The following CPM variants were observed in gnomAD, a reference collection of about 807,000 sequenced individuals.
The protein encoded by CPM is carboxypeptidase M.
In CPM, 35 loss-of-function variants were observed where a neutral mutation model predicts 46.4. That is an observed-to-expected ratio of 0.75 (90% CI 0.58 to 1.00). The LOEUF is 1.00. Ranked by LOEUF, CPM falls within the 50% of genes least tolerant of loss-of-function variation. The pLI is 0.00. For missense variants in CPM, 422 were observed against 530.4 expected, an observed-to-expected ratio of 0.80 and a Z score of 2.01; for synonymous variants, 195 against 195.3, an observed-to-expected ratio of 1.00 and a Z score of 0.01.
At chr12:68,960,708 A>G (rs1234936762) in intron 1 of CPM, among the ~76,000 whole-genome samples, 1 of 152,168 alleles carries the variant, frequency 6.6e-6, no homozygotes, top group African/African-American at 2.4e-5. Context: ...TCAAGATGAT[A>G]ACAGAGAACA....
chr12:68,858,507 A>G (rs1269851604), intron 8 of CPM, among the ~76,000 whole-genome samples: 1 of 152,204 alleles, frequency 6.6e-6, no homozygotes, highest in African/African-American at 2.4e-5. Flanking sequence ...TCACTTATAA[A>G]ATGAATTCTA....
At chr12:68,949,443 A>G (rs1426939019) in intron 1 of CPM, among the ~76,000 whole-genome samples, 3 of 152,208 alleles carry the variant, frequency 2.0e-5, no homozygotes, top group African/African-American at 7.2e-5. Context: ...CTGAGTGCCA[A>G]CATGACTGTG....
intron 2 of CPM, among the ~76,000 whole-genome samples, chr12:68,915,539 C>G (rs1592691477): frequency 6.6e-6 from 1 of 152,306 alleles, no homozygotes; most frequent in Non-Finnish European, 1.5e-5. Context: ...CCCTGATAAG[C>G]CTTTCTCAAC....
chr12:68,856,872 T>C (rs944812866), intron 8 of CPM, among the ~76,000 whole-genome samples, 193 bp from the exon 9 acceptor site: 1 of 152,220 alleles, frequency 6.6e-6, no homozygotes, highest in African/African-American at 2.4e-5. Context: ...AGACCAGCGT[T>C]GTGAATGCTG....
chr12:68,893,778 G>T (rs544527153), intron 2 of CPM, among the ~76,000 whole-genome samples: 1 of 152,294 alleles, frequency 6.6e-6, no homozygotes, highest in Admixed American at 6.5e-5. Flanking sequence ...CTGGTGTGGG[G>T]TCTAAAATGA....
chr12:68,929,698 T>C (rs143523386), intron 2 of CPM, among the ~76,000 whole-genome samples: 3 of 152,352 alleles, frequency 2.0e-5, no homozygotes, highest in East Asian at 3.9e-4. Flanking sequence ...AATGGTTTTA[T>C]AGTATCCCTG....
intron 4 of CPM, among the ~76,000 whole-genome samples, chr12:68,871,218 C>T (rs1049198482): frequency 6.6e-6 from 1 of 152,202 alleles, no homozygotes; most frequent in Non-Finnish European, 1.5e-5. Flanking sequence ...CCGGTCATTA[C>T]CAAGGGCCTG....
At chr12:68,953,141 C>T (rs1254602342) in intron 1 of CPM, among the ~76,000 whole-genome samples, 1 of 152,194 alleles carries the variant, frequency 6.6e-6, no homozygotes, top group Non-Finnish European at 1.5e-5. Flanking sequence ...CATTCATACC[C>T]ATTGCTCCTA....
rs145102311 is a variant in CPM at position 68,875,058 on chromosome 12, A to T, written c.259-3102T>A. Reference sequence around the variant, plus strand: ...TGGTAGTATGGGTATAGAACAAAATATAAAAGTTGAGGCCGGGCACGGTGG... The same window carrying T: ...TGGTAGTATGGGTATAGAACAAAATTTAAAAGTTGAGGCCGGGCACGGTGG... On this transcript the variant is annotated intron_variant, in intron 3 of 8. Coordinates refer to ENST00000551568, the MANE Select transcript of CPM (RefSeq NM_198320.5). 3.0e-3 allele frequency among the ~76,000 whole-genome samples: 458 copies of T among 152,308 alleles called. 1 individual carries two copies. The highest frequency in any genetic ancestry group is 0.011 in the African/African-American group (441 of 41,562).
Position 68,871,876 on chromosome 12 carries a change from C to A in CPM, c.339G>T (p.Leu113=). Reference sequence around the variant, plus strand: ...TGATGTGTATCCGGGTACTATTGATCAGATTTGTGATTTCAGGGTCTTTGC... The same window carrying A: ...TGATGTGTATCCGGGTACTATTGATAAGATTTGTGATTTCAGGGTCTTTGC... ...SDGKDPEITN[L]INSTRIHIMP... is the part of the protein sequence containing the mutation. The change falls in exon 4 of 9, where the codon CTG becomes CTT. Residue 113 remains leucine, a synonymous_variant. Transcript: ENST00000551568. The A allele has an allele frequency of 6.2e-7, 1 of 1,614,096 alleles. No homozygotes were observed. The highest frequency in any genetic ancestry group is 1.1e-5 in the South Asian group (1 of 91,072).
intron 2 of CPM, among the ~76,000 whole-genome samples, chr12:68,904,022 G>A (rs570344546): frequency 6.6e-6 from 1 of 152,228 alleles, no homozygotes; most frequent in East Asian, 1.9e-4. Flanking sequence ...ATGTAGCTGG[G>A]ACCACAGGCA....
intron 7 of CPM, among the ~76,000 whole-genome samples, chr12:68,860,127 C>T (rs1885144568): frequency 6.6e-6 from 1 of 152,186 alleles, no homozygotes; most frequent in Non-Finnish European, 1.5e-5. Context: ...TTATCTTGAA[C>T]TTCAACAAAC....
At chr12:68,948,352 G>A (rs914542725) in intron 1 of CPM, among the ~76,000 whole-genome samples, 1 of 152,150 alleles carries the variant, frequency 6.6e-6, no homozygotes, top group Non-Finnish European at 1.5e-5. Context: ...TGAGGGGGTA[G>A]GCATTAGGGA....
At chr12:68,927,853 C>G (rs2136317131) in intron 2 of CPM, among the ~76,000 whole-genome samples, 1 of 152,190 alleles carries the variant, frequency 6.6e-6, no homozygotes, top group African/African-American at 2.4e-5. Flanking sequence ...CAAACCACTG[C>G]TCAATGAAAT....
intron 2 of CPM, among the ~76,000 whole-genome samples, chr12:68,904,922 T>G (rs959382374): frequency 3.3e-5 from 5 of 150,362 alleles, no homozygotes; most frequent in Admixed American, 6.7e-5. Flanking sequence ...GTGGTTTTTT[T>G]GGGGGGATGG....
intron 1 of CPM, among the ~76,000 whole-genome samples, chr12:68,941,170 CGTGTGTGTGTGTGT>C (rs370705580): frequency 7.1e-6 from 1 of 140,504 alleles, no homozygotes; most frequent in Non-Finnish European, 1.5e-5. Context: ...GTGCTGAGTA[CGTGTGTGTGTGTGT>C]GTGTGTGTGT....
chr12:68,896,424 G>C lies in CPM; in HGVS notation c.161-10535C>G, dbSNP rs1886879482. On this transcript the variant is annotated intron_variant, in intron 2 of 8. Coordinates refer to ENST00000551568, the MANE Select transcript of CPM (RefSeq NM_198320.5). ...CTGTGCTTGCAAAATCTGGTGTAGT[G>C]TCTGGCATATACATAGCAAATGATT... Among the ~76,000 whole-genome samples, 4 of 152,196 alleles carry C rather than the reference G, an allele frequency of 2.6e-5. 1 individual carries two copies. Among genetic ancestry groups the C allele is most frequent in the Admixed American group, 2.6e-4 (4 of 15,282 alleles).
At chr12:68,953,978 T>A (rs567574642) in intron 1 of CPM, among the ~76,000 whole-genome samples, 43 of 152,348 alleles carry the variant, frequency 2.8e-4, no homozygotes, top group Admixed American at 4.6e-4. Context: ...GCGTGAGTTA[T>A]TCCCAGCCAG....
chr12:68,906,271 T>C (rs1443679436), intron 2 of CPM, among the ~76,000 whole-genome samples: 1 of 152,140 alleles, frequency 6.6e-6, no homozygotes, highest in African/African-American at 2.4e-5. Context: ...TGTAAAAAAC[T>C]GCAAACTCCT....
Sources: gnomAD v4.1 joint callset for allele counts (sites outside exome capture counted in the v4.1 genomes callset) on GRCh38, gnomAD v4.1.1 for gene constraint, MANE v1.5 for transcripts, NCBI Gene and HGNC (gene_info 2026-07-23, HGNC 2026-07-21) for gene names.